TMEM232: variants seen among roughly 807,000 people sequenced by gnomAD.
The protein encoded by TMEM232 is transmembrane protein 232.
A neutral mutation model predicts 78.8 loss-of-function variants in TMEM232; 80 were observed. The observed-to-expected ratio is 1.01, with a 90% confidence interval of 0.85 to 1.22. TMEM232 has a LOEUF of 1.22. Ranked by LOEUF, TMEM232 falls within the 50% of genes most tolerant of loss-of-function variation. The pLI is 0.00. For synonymous variants in TMEM232, 297 were observed against 254.3 expected, an observed-to-expected ratio of 1.17 and a Z score of -1.60; for missense variants, 881 against 742.2, an observed-to-expected ratio of 1.19 and a Z score of -2.17.
intron 10 of TMEM232, among the ~76,000 whole-genome samples, chr5:110,602,312 A>G (rs948563969): frequency 6.6e-6 from 1 of 152,178 alleles, no homozygotes; most frequent in Non-Finnish European, 1.5e-5. Context: ...TAATTAAACT[A>G]AAGAGCTTCT....
chr5:110,535,820 A>G (rs1581126773), intron 11 of TMEM232, among the ~76,000 whole-genome samples: 1 of 152,194 alleles, frequency 6.6e-6, no homozygotes, highest in South Asian at 2.1e-4. Context: ...AGGCAGGAGA[A>G]TAGGGTCTGG....
chr5:110,714,266 T>C (rs1796796695), intron 1 of TMEM232, among the ~76,000 whole-genome samples: 2 of 152,182 alleles, frequency 1.3e-5, no homozygotes, highest in Non-Finnish European at 2.9e-5. Flanking sequence ...CAGGATATAA[T>C]CAATCATCTC....
At position 110,495,341 on chromosome 5, in the gene TMEM232, T is replaced by C. The variant is rs578070446; in HGVS notation, c.1703+33247A>G. 9.2e-5 allele frequency among the ~76,000 whole-genome samples: 14 copies of C among 152,006 alleles called. No homozygotes were observed. The South Asian group carries it at 2.9e-3, about 32-fold the overall frequency. On this transcript the variant is annotated intron_variant, in intron 12 of 13. Transcript: ENST00000455884. ...TGATGCCAAGATTACACTTCCAGGG[T>C]GTCTGATTTAATTGGACTGGGGAAG...
intron 12 of TMEM232, among the ~76,000 whole-genome samples, chr5:110,470,736 A>G (rs1762575685): frequency 6.6e-6 from 1 of 152,164 alleles, no homozygotes; most frequent in Non-Finnish European, 1.5e-5. Context: ...TTCAGGTGAA[A>G]GTATTTCTCT....
intron 10 of TMEM232, among the ~76,000 whole-genome samples, chr5:110,581,755 A>C (rs1303492376): frequency 6.6e-6 from 1 of 151,682 alleles, no homozygotes; most frequent in African/African-American, 2.4e-5. Context: ...ATATTTGCAA[A>C]GTATGCATCC....
rs985651841 is a variant in TMEM232, at chr5:110,490,444, A to C, written c.1703+38144T>G. Among the ~76,000 whole-genome samples the C allele has an allele frequency of 7.2e-5, 11 of 152,324 alleles. No homozygotes were observed. The South Asian group carries it at 1.7e-3, about 23-fold the overall frequency. ...TTAAGATAATAATACTCTGTGAATT[A>C]ATCAACCTATTCCACACAAACCTTT... On this transcript the variant is annotated intron_variant, in intron 12 of 13. Coordinates refer to ENST00000455884, the MANE Select transcript of TMEM232 (RefSeq NM_001039763.4).
chr5:110,401,707 A>AT (rs1032729563), intron 2 of TMEM232, among the ~76,000 whole-genome samples: 5 of 151,978 alleles, frequency 3.3e-5, no homozygotes, highest in East Asian at 1.9e-4. Context: ...CAGAATGTAT[A>AT]TTTTTTTTCC....
intron 8 of TMEM232, among the ~76,000 whole-genome samples, chr5:110,609,215 T>C (rs1018432653): frequency 6.6e-6 from 1 of 152,056 alleles, no homozygotes; most frequent in African/African-American, 2.4e-5. Context: ...GCATTGACAA[T>C]GTCAAAAATC....
At chr5:110,649,052 T>C (rs1176361733) in intron 2 of TMEM232, among the ~76,000 whole-genome samples, 1 of 152,100 alleles carries the variant, frequency 6.6e-6, no homozygotes, top group African/African-American at 2.4e-5. Context: ...ATCATATTAG[T>C]CTGTCTAGTT....
At chr5:110,693,224 C>T (rs892194247) in intron 1 of TMEM232, among the ~76,000 whole-genome samples, 1 of 152,214 alleles carries the variant, frequency 6.6e-6, no homozygotes, top group Non-Finnish European at 1.5e-5. Flanking sequence ...CAAACTCCAA[C>T]AGACCTGCAG....
intron 1 of TMEM232, among the ~76,000 whole-genome samples, chr5:110,673,477 T>C (rs948194731): frequency 5.9e-5 from 9 of 152,052 alleles, no homozygotes; most frequent in Admixed American, 1.3e-4. Context: ...TAGAGTTAAA[T>C]AGAATAAATG....
intron 2 of TMEM232, among the ~76,000 whole-genome samples, chr5:110,658,688 G>GAAC (rs1246007409): frequency 5.3e-5 from 8 of 152,154 alleles, no homozygotes; most frequent in African/African-American, 1.9e-4. Flanking sequence ...CTTCTAAACT[G>GAAC]TAATGTCATC....
rs532460719 is a variant in TMEM232, at chr5:110,593,699, T to C, written c.1276+11410A>G. Among the ~76,000 whole-genome samples, 9 of 151,992 alleles carry C rather than the reference T, an allele frequency of 5.9e-5. No homozygotes were observed. In the East Asian group the frequency reaches 1.2e-3, roughly 20 times the overall value. On this transcript the variant is annotated intron_variant, in intron 10 of 13. Coordinates refer to ENST00000455884, the MANE Select transcript of TMEM232 (RefSeq NM_001039763.4). ...GGGCAATAGGGTGATGAGGAGGAAA[T>C]AGGGGTTGTCAATGGGTACAAAAAA...
intron 10 of TMEM232, among the ~76,000 whole-genome samples, chr5:110,596,037 T>A (rs1432879565): frequency 6.6e-6 from 1 of 152,060 alleles, no homozygotes; most frequent in African/African-American, 2.4e-5. Context: ...AAAGATCAGG[T>A]TACCTACGAA....
chr5:110,471,149 G>A (rs1255174258), intron 12 of TMEM232, among the ~76,000 whole-genome samples: 1 of 151,960 alleles, frequency 6.6e-6, no homozygotes, highest in Admixed American at 6.6e-5. Context: ...ACTAAATAAA[G>A]CAAAAGAAAG....
intron 1 of TMEM232, among the ~76,000 whole-genome samples, chr5:110,679,236 G>A (rs1317269865): frequency 6.6e-6 from 1 of 152,078 alleles, no homozygotes; most frequent in East Asian, 1.9e-4. Context: ...AGTGTGTGTA[G>A]TATCTCATTA....
At chr5:110,471,929 G>A (rs370469049) in intron 12 of TMEM232, among the ~76,000 whole-genome samples, 3 of 151,982 alleles carry the variant, frequency 2.0e-5, no homozygotes, top group African/African-American at 7.2e-5. Flanking sequence ...ACACAGAAAT[G>A]GAAAGGATCA....
chr5:110,693,362 A>C (rs1268980562), intron 1 of TMEM232, among the ~76,000 whole-genome samples: 2 of 152,228 alleles, frequency 1.3e-5, no homozygotes, highest in African/African-American at 4.8e-5. Context: ...GAAAAAACAG[A>C]GCAGAAAAAC....
chr5:110,573,751 C>T (rs541239679), intron 10 of TMEM232, among the ~76,000 whole-genome samples: 2 of 152,088 alleles, frequency 1.3e-5, no homozygotes, highest in East Asian at 1.9e-4. Flanking sequence ...TAAGATCTAG[C>T]TGATGAAGAA....
Sources: gnomAD v4.1 joint callset for allele counts (sites outside exome capture counted in the v4.1 genomes callset) on GRCh38, gnomAD v4.1.1 for gene constraint, MANE v1.5 for transcripts, NCBI Gene and HGNC (gene_info 2026-07-23, HGNC 2026-07-21) for gene names.